Variants in PCDH7 observed in about 807,000 individuals in gnomAD.
The protein encoded by PCDH7 is protocadherin 7.
Under a neutral mutation model 58.9 loss-of-function variants are expected in PCDH7, and 17 were observed. The ratio of observed to expected loss-of-function variants is 0.29; its 90% CI spans 0.20 to 0.43. The LOEUF is 0.43. Among genes scored for constraint, PCDH7 ranks in the 20% least tolerant of loss-of-function variants. PCDH7 has a pLI of 1.00. For missense variants in PCDH7, 1,274 were observed against 1,441.0 expected (o/e 0.88, Z 1.88); for synonymous variants, 664 against 616.4 (o/e 1.08, Z -1.14).
chr4:31,042,663 A>C (rs1755975952), intron 3 of PCDH7, among the ~76,000 whole-genome samples: 1 of 152,178 alleles, frequency 6.6e-6, no homozygotes, highest in Admixed American at 6.5e-5. Flanking sequence ...CAATTGCACA[A>C]AAATAAATGT....
chr4:30,796,596 C>T (rs1356146866), intron 1 of PCDH7, among the ~76,000 whole-genome samples: 2 of 152,140 alleles, frequency 1.3e-5, no homozygotes, highest in South Asian at 2.1e-4. Flanking sequence ...TAAAATATTC[C>T]ATACACTGCT....
intron 1 of PCDH7, among the ~76,000 whole-genome samples, chr4:30,885,408 A>C (rs900045867): frequency 1.3e-5 from 2 of 152,166 alleles, no homozygotes; most frequent in Non-Finnish European, 2.9e-5. Flanking sequence ...CAAATGAATT[A>C]ATAAGGGCAA....
chr4:30,810,678 C>T (rs1726880445), intron 1 of PCDH7, among the ~76,000 whole-genome samples: 1 of 149,718 alleles, frequency 6.7e-6, no homozygotes, highest in African/African-American at 2.5e-5. Context: ...GTGGTGCAAT[C>T]TCTGCTCACT....
chr4:30,814,440 C>T (rs1190704430), intron 1 of PCDH7, among the ~76,000 whole-genome samples: 1 of 151,996 alleles, frequency 6.6e-6, no homozygotes, highest in Non-Finnish European at 1.5e-5. Flanking sequence ...TTATTTTACT[C>T]TTCAGTGAAT....
intron 3 of PCDH7, among the ~76,000 whole-genome samples, chr4:30,954,530 GATTCTTAGGCCAT>G (rs1747661636): frequency 6.6e-6 from 1 of 152,012 alleles, no homozygotes; most frequent in Non-Finnish European, 1.5e-5. Context: ...TTATCTATAA[GATTCTTAGGCCAT>G]ATTCTTAAAA....
intron 1 of PCDH7, chr4:30,868,913 A>T (rs1735202164): frequency 6.6e-6 from 1 of 152,128 alleles, no homozygotes; most frequent in Admixed American, 6.6e-5. Context: ...TTTTATCTGC[A>T]AAATAGTTCA....
At chr4:30,761,248 G>A (rs976633101) in intron 1 of PCDH7, among the ~76,000 whole-genome samples, 4 of 152,260 alleles carry the variant, frequency 2.6e-5, no homozygotes, top group South Asian at 2.1e-4. Flanking sequence ...TTTAGGAAGC[G>A]CAGCTCTCCT....
At chr4:30,762,813 C>G (rs1340576728) in intron 1 of PCDH7, among the ~76,000 whole-genome samples, 1 of 152,088 alleles carries the variant, frequency 6.6e-6, no homozygotes, top group Non-Finnish European at 1.5e-5. Flanking sequence ...TGGTATTTCT[C>G]CCAATAATTA....
intron 3 of PCDH7, among the ~76,000 whole-genome samples, chr4:31,035,779 T>G (rs1318599129): frequency 1.3e-5 from 2 of 152,256 alleles, no homozygotes; most frequent in Non-Finnish European, 2.9e-5. Flanking sequence ...TTCATTATTT[T>G]AAAACATGTT....
At position 31,113,873 on chromosome 4, in the gene PCDH7, G is replaced by A. The variant is rs573314412; in HGVS notation, c.*8-28600G>A. On this transcript the variant is annotated intron_variant, in intron 3 of 3. Transcript: ENST00000509759. ...TTTTGAGATGGAGAGTCACTCTGTC[G>A]CCTGGCTGGAGTACAGTGGCACAAT... is the stretch of plus-strand genomic sequence containing the variant. Among the ~76,000 whole-genome samples the A allele has an allele frequency of 2.4e-3, 314 of 130,390 alleles. 1 individual carries two copies. The highest frequency in any genetic ancestry group is 8.8e-3 in the African/African-American group (296 of 33,660). 85.5% of individuals were successfully genotyped at this position (130,390 alleles called of 152,430 possible).
intron 1 of PCDH7, among the ~76,000 whole-genome samples, chr4:30,745,502 A>G (rs2109252645): frequency 6.6e-6 from 1 of 152,218 alleles, no homozygotes; most frequent in South Asian, 2.1e-4. Flanking sequence ...TCTCCAAGTT[A>G]TATTTCTATT....
At chr4:30,944,332 T>C (rs1022719302) in intron 2 of PCDH7, among the ~76,000 whole-genome samples, 4 of 152,088 alleles carry the variant, frequency 2.6e-5, no homozygotes, top group African/African-American at 9.7e-5. Context: ...AATATATTAT[T>C]TTTGTCAGCA....
At position 30,901,780 on chromosome 4, in the gene PCDH7, C is replaced by T. The variant is rs980951309; in HGVS notation, c.71-18373C>T. ...TGGCTAGAATAATTGACTTCATTCTCCTGAGGACTGGTTTTCTTGTATAGT... is the reference window on the plus strand; with the variant it reads ...TGGCTAGAATAATTGACTTCATTCTTCTGAGGACTGGTTTTCTTGTATAGT... On this transcript the variant is annotated intron_variant, in intron 1 of 3. Coordinates refer to the PCDH7 transcript ENST00000509759. Among the ~76,000 whole-genome samples the T allele has an allele frequency of 3.9e-5, 6 of 152,150 alleles. No individual in the cohort carries two copies. The East Asian group carries it at 9.6e-4, about 24-fold the overall frequency.
chr4:30,736,625 T>A (rs544408224), downstream of PCDH7, among the ~76,000 whole-genome samples: 12 of 150,202 alleles, frequency 8.0e-5, no homozygotes, highest in Admixed American at 1.3e-4. Context: ...AAGCTCCGCC[T>A]CCCGGATTCG....
At chr4:30,921,603 G>A (rs1197935053) in intron 2 of PCDH7, among the ~76,000 whole-genome samples, 4 of 152,044 alleles carry the variant, frequency 2.6e-5, no homozygotes, top group African/African-American at 4.8e-5. Context: ...GATGATTGAC[G>A]TCCCTCTTGA....
chr4:31,020,317 T>G (rs150681577), intron 3 of PCDH7, among the ~76,000 whole-genome samples: 125 of 152,332 alleles, frequency 8.2e-4, no homozygotes, highest in African/African-American at 2.9e-3. Context: ...TTATTTGGAT[T>G]TTATTTCAAG....
chr4:30,927,135 G>T (rs1743972751), intron 2 of PCDH7, among the ~76,000 whole-genome samples: 1 of 152,118 alleles, frequency 6.6e-6, no homozygotes. Flanking sequence ...GACTCCCAAA[G>T]CTTTTGCTTG....
At chr4:30,998,097 G>C (rs1347977871) in intron 3 of PCDH7, among the ~76,000 whole-genome samples, 1 of 152,166 alleles carries the variant, frequency 6.6e-6, no homozygotes. Flanking sequence ...TTTTGAAATA[G>C]AGTTTTAGTT....
At chr4:30,812,524 T>A (rs1577902677) in intron 1 of PCDH7, among the ~76,000 whole-genome samples, 1 of 152,218 alleles carries the variant, frequency 6.6e-6, no homozygotes, top group African/African-American at 2.4e-5. Flanking sequence ...AAACTCCAAA[T>A]CCAAATTCAA....
Sources: allele counts gnomAD v4.1 joint callset (sites outside exome capture counted in the v4.1 genomes callset), GRCh38; gene constraint gnomAD v4.1.1; transcripts MANE v1.5; gene names NCBI Gene and HGNC (gene_info 2026-07-23, HGNC 2026-07-21).